The following F2RL2 variants were observed in gnomAD, a reference collection of about 807,000 sequenced individuals.
F2RL2 encodes the protein proteinase-activated receptor 3.
A neutral mutation model predicts 4.3 loss-of-function variants in F2RL2; 4 were observed. The ratio of observed to expected loss-of-function variants is 0.93; its 90% CI spans 0.46 to 2.12. The LOEUF is 2.12. Among genes scored for constraint, F2RL2 ranks in the 30% most tolerant of loss-of-function variants. F2RL2 has a pLI of 0.02. For synonymous variants in F2RL2, 166 were observed against 170.9 expected (o/e 0.97, Z 0.22); for missense variants, 408 against 449.3 (o/e 0.91, Z 0.83).
chr5:76,622,536 T>C (rs1749801517), intron 1 of F2RL2, among the ~76,000 whole-genome samples: 1 of 152,188 alleles, frequency 6.6e-6, no homozygotes, highest in Admixed American at 6.5e-5. Context: ...AATTTGTTAT[T>C]TTTGGAAAAA....
rs1252473650 is a variant in F2RL2, at chr5:76,616,676, T to G, written c.*906A>C. ...AGACCAGCCTGGGCAACAGTGAGAC[T>G]CCATCTCTGCAAAAAATAAAAAATA... On this transcript the variant is annotated 3_prime_UTR_variant, in exon 2 of 2. Coordinates refer to ENST00000296641, the MANE Select transcript of F2RL2 (RefSeq NM_004101.4). The G allele has an allele frequency of 6.6e-6, 1 of 152,058 alleles. No homozygotes were observed. The highest frequency in any genetic ancestry group is 2.4e-5 in the African/African-American group (1 of 41,200). 9.4% of individuals were successfully genotyped at this position (152,058 alleles called of 1,614,324 possible).
rs1580614214 is a variant in F2RL2 at position 76,615,528 on chromosome 5, T to C, written c.*2054A>G. 6.6e-6 allele frequency: 1 copy of C among 152,336 alleles called. No individual in the cohort carries two copies. Among genetic ancestry groups the C allele is most frequent in the South Asian group, 2.1e-4 (1 of 4,824 alleles). The allele number at this position is 152,336 out of a possible 1,614,324, so 9.4% of individuals were successfully genotyped here. A position where few individuals can be genotyped will look rare whatever the true frequency, so the allele number is the denominator to read the frequency against. ...TTGTTTTGTTGGGCAGTATGAAATA[T>C]ACAGTCAAGGCAGATTCGTACAGAC... On this transcript the variant is annotated 3_prime_UTR_variant, in exon 2 of 2. Transcript: ENST00000296641.
Position 76,616,362 on chromosome 5 carries a change from A to G in F2RL2, c.*1220T>C, listed in dbSNP as rs1181402973. ...AAGAGGTTTGGTTGGTGCCTATATCATAAGCAAGGTTTAATGGGAAGTGTG... is the reference window on the plus strand; with the variant it reads ...AAGAGGTTTGGTTGGTGCCTATATCGTAAGCAAGGTTTAATGGGAAGTGTG... On this transcript the variant is annotated 3_prime_UTR_variant, in exon 2 of 2. Coordinates refer to ENST00000296641, the MANE Select transcript of F2RL2 (RefSeq NM_004101.4). 6.6e-6 allele frequency: 1 copy of G among 152,654 alleles called. No homozygotes were observed. Among genetic ancestry groups the G allele is most frequent in the South Asian group, 2.1e-4 (1 of 4,832 alleles). The allele number at this position is 152,654 out of a possible 1,614,324, so 9.5% of individuals were successfully genotyped here. A position where few individuals can be genotyped will look rare whatever the true frequency, so the allele number is the denominator to read the frequency against.
At chr5:76,618,751 A>T in intron 1 of F2RL2, 109 bp from the exon 2 acceptor site, 1 of 1,023,414 alleles carries the variant, frequency 9.8e-7, no homozygotes, top group East Asian at 2.6e-5. Context: ...GATCATTTTT[A>T]TTTTAAAAAG....
In F2RL2 at chr5:76,617,312, A is replaced by G. The variant is rs1749075335; in HGVS notation, c.*270T>C. On this transcript the variant is annotated 3_prime_UTR_variant, in exon 2 of 2. Coordinates refer to ENST00000296641, the MANE Select transcript of F2RL2 (RefSeq NM_004101.4). The stretch of plus-strand genomic sequence containing the variant: ...ATACAAGTATTTTTAGTAGCTGGGC[A>G]TGGTGGTGTAATCCCAGCTACTTGG... 3.1e-6 allele frequency: 1 copy of G among 318,226 alleles called. No individual in the cohort carries two copies. Among genetic ancestry groups the G allele is most frequent in the East Asian group, 5.8e-5 (1 of 17,162 alleles). 19.7% of individuals were successfully genotyped at this position (318,226 alleles called of 1,614,324 possible). A position where few individuals can be genotyped will look rare whatever the true frequency, so the allele number is the denominator to read the frequency against.
chr5:76,623,196 A>G lies in F2RL2; in HGVS notation c.35T>C (p.Leu12Pro), dbSNP rs1453043113. Residue 12 changes from leucine (L) to proline (P), a missense_variant, in exon 1 of 2, where the codon CTG (leucine) becomes CCG (proline). By Grantham distance (98) the Leu-to-Pro change is moderately conservative (BLOSUM62 -3). Transcript: ENST00000296641. ...KALIFAAAGL[L>P]LLLPTFCQSG... ...CTGACAAAAAGTGGGCAACAGAAGC[A>G]GGAGGCCAGCAGCTGCAAAGATGAG... 4 of 1,614,124 alleles carry G rather than the reference A, an allele frequency of 2.5e-6. No individual in the cohort carries two copies. Among genetic ancestry groups the G allele is most frequent in the Non-Finnish European group, 3.4e-6 (4 of 1,180,040 alleles).
At position 76,617,420 on chromosome 5, in the gene F2RL2, T is replaced by C. The variant is rs757460096; in HGVS notation, c.*162A>G. On this transcript the variant is annotated 3_prime_UTR_variant, in exon 2 of 2. Coordinates refer to ENST00000296641, the MANE Select transcript of F2RL2 (RefSeq NM_004101.4). ...GTCTGGGTGATAAAGTGAGACTCAG[T>C]CTCAAAAACAAACAAACAAACTACT... is the stretch of plus-strand genomic sequence containing the variant. The C allele has an allele frequency of 1.6e-5, 10 of 609,498 alleles. No individual in the cohort carries two copies. Among genetic ancestry groups the C allele is most frequent in the Non-Finnish European group, 2.8e-5 (10 of 354,266 alleles). 37.8% of individuals were successfully genotyped at this position (609,498 alleles called of 1,614,324 possible).
intron 1 of F2RL2, among the ~76,000 whole-genome samples, chr5:76,621,629 T>C (rs1336841013): frequency 6.6e-6 from 1 of 152,220 alleles, no homozygotes; most frequent in Non-Finnish European, 1.5e-5. Flanking sequence ...TAGCAAGACA[T>C]CATGCCTCCA....
In F2RL2 at chr5:76,616,818, C is replaced by T. The variant is rs1749018201; in HGVS notation, c.*764G>A. On this transcript the variant is annotated 3_prime_UTR_variant, in exon 2 of 2. Transcript: ENST00000296641. ...GAAGTGAGCTATGATCAGGCTACTG[C>T]ACTTCAGCCAGGTGACGAAGCGAGA... is the stretch of plus-strand genomic sequence containing the variant. The T allele has an allele frequency of 1.3e-5, 2 of 152,112 alleles. No individual in the cohort carries two copies. Among genetic ancestry groups the T allele is most frequent in the Non-Finnish European group, 2.9e-5 (2 of 68,092 alleles). 9.4% of individuals were successfully genotyped at this position (152,112 alleles called of 1,614,324 possible). A position where few individuals can be genotyped will look rare whatever the true frequency, so the allele number is the denominator to read the frequency against.
rs1405003072 is a variant in F2RL2, at chr5:76,617,798, A to G, written c.909T>C (p.Ser303=). The G allele has an allele frequency of 3.1e-6, 5 of 1,613,508 alleles. No individual in the cohort carries two copies. The highest frequency in any genetic ancestry group is 4.2e-6 in the Non-Finnish European group (5 of 1,179,734). Residue 303 remains serine, a synonymous_variant, in exon 2 of 2, where the codon AGT becomes AGC. Coordinates refer to ENST00000296641, the MANE Select transcript of F2RL2 (RefSeq NM_004101.4). ...TGGTAAAAATCACAAGGATGAGGAGACTCGCCTTAACATACCACAACCATC... is the reference window on the plus strand; with the variant it reads ...TGGTAAAAATCACAAGGATGAGGAGGCTCGCCTTAACATACCACAACCATC... ...DHRWLWYVKA[S]LLILVIFTIC... is the part of the protein sequence containing the mutation.
rs766905464 is a variant in F2RL2 at position 76,618,565 on chromosome 5, A to G, written c.142T>C (p.Phe48Leu). 1.2e-6 allele frequency: 2 copies of G among 1,614,098 alleles called. No homozygotes were observed. Among genetic ancestry groups the G allele is most frequent in the Non-Finnish European group, 1.7e-6 (2 of 1,180,020 alleles). ...KTFRGAPPNS[F>L]EEFPFSALEG... ...AAGGCAGAAAAGGGGAACTCTTCAA[A>G]AGAATTTGGGGGAGCTCCACGAAAG... The change falls in exon 2 of 2, where the codon TTT becomes CTT. Residue 48 changes from phenylalanine to leucine, a missense_variant. By Grantham distance (22) the Phe-to-Leu change is conservative (BLOSUM62 0). Coordinates refer to ENST00000296641, the MANE Select transcript of F2RL2 (RefSeq NM_004101.4).
chr5:76,619,133 T>G (rs964382762), intron 1 of F2RL2, among the ~76,000 whole-genome samples: 1 of 152,190 alleles, frequency 6.6e-6, no homozygotes, highest in African/African-American at 2.4e-5. Flanking sequence ...ATAAGTTGAT[T>G]TAGCAAATTT....
rs1226503946 is a variant in F2RL2, at chr5:76,617,781, A to G, written c.926T>C (p.Ile309Thr). 6.2e-7 allele frequency: 1 copy of G among 1,613,554 alleles called. No homozygotes were observed. The highest frequency in any genetic ancestry group is 8.5e-7 in the Non-Finnish European group (1 of 1,179,758). Residue 309 changes from isoleucine (I) to threonine (T), a missense_variant, in exon 2 of 2, where the codon ATT becomes ACT. Coordinates refer to ENST00000296641, the MANE Select transcript of F2RL2 (RefSeq NM_004101.4). ...YVKASLLILVIFTICFAPSNI... is the reference protein window; with the variant it reads ...YVKASLLILVTFTICFAPSNI... ...GCTTGGAGCAAAGCAAATGGTAAAA[A>G]TCACAAGGATGAGGAGACTCGCCTT... is the stretch of plus-strand genomic sequence containing the variant.
At chr5:76,618,668 T>G (rs370118513) in intron 1 of F2RL2, 26 bp from the exon 2 acceptor site, 12 of 1,537,030 alleles carry the variant, frequency 7.8e-6, no homozygotes, top group African/African-American at 1.4e-5. Flanking sequence ...AGTATTAACA[T>G]AAATGTATAG....
At chr5:76,621,722 A>C (rs2150364170) in intron 1 of F2RL2, among the ~76,000 whole-genome samples, 1 of 152,310 alleles carries the variant, frequency 6.6e-6, no homozygotes, top group Non-Finnish European at 1.5e-5. Flanking sequence ...GGGTCCACTT[A>C]AATAAGGCTT....
chr5:76,618,306 T>C lies in F2RL2; in HGVS notation c.401A>G (p.Asn134Ser), dbSNP rs781677980. Reference sequence around the variant, plus strand: ...AAAAAGAAAATCTGCAATGGCCAGGTTGGTGTAGAATACAGTGGTACAGAT... The same window carrying C: ...AAAAAGAAAATCTGCAATGGCCAGGCTGGTGTAGAATACAGTGGTACAGAT... ...RSICTTVFYT[N>S]LAIADFLFCV... is the part of the protein sequence containing the mutation. The change falls in exon 2 of 2, where the codon AAC becomes AGC. Residue 134 changes from asparagine to serine, a missense_variant. Asn to Ser is a conservative substitution (Grantham distance 46). Coordinates refer to ENST00000296641, the MANE Select transcript of F2RL2 (RefSeq NM_004101.4). 17 of 1,614,044 alleles carry C rather than the reference T, an allele frequency of 1.1e-5. No homozygotes were observed. The highest frequency in any genetic ancestry group is 5.0e-5 in the Admixed American group (3 of 60,012).
chr5:76,618,724 G>T, intron 1 of F2RL2, 82 bp from the exon 2 acceptor site: 1 of 1,205,830 alleles, frequency 8.3e-7, no homozygotes, highest in Non-Finnish European at 1.2e-6. Flanking sequence ...AATAATTTCT[G>T]TGATTGTAGA....
chr5:76,619,602 C>T (rs1259482760), intron 1 of F2RL2, among the ~76,000 whole-genome samples: 2 of 151,088 alleles, frequency 1.3e-5, no homozygotes, highest in African/African-American at 2.4e-5. Flanking sequence ...CTGCAACCTC[C>T]GCCTCCCGGG....
At chr5:76,621,661 G>C (rs1749686307) in intron 1 of F2RL2, among the ~76,000 whole-genome samples, 1 of 152,180 alleles carries the variant, frequency 6.6e-6, no homozygotes, top group Non-Finnish European at 1.5e-5. Flanking sequence ...CAGTGCCTGT[G>C]TTTTGTGGAA....
Sources: allele counts gnomAD v4.1 joint callset (sites outside exome capture counted in the v4.1 genomes callset), GRCh38; gene constraint gnomAD v4.1.1; transcripts MANE v1.5; gene names NCBI Gene and HGNC (gene_info 2026-07-23, HGNC 2026-07-21).